NCBP2L: variants seen among roughly 807,000 people sequenced by gnomAD.
NCBP2L encodes nuclear cap-binding protein subunit 2-like.
For missense variants in NCBP2L, 95 were observed against 53.1 expected (o/e 1.79, Z -2.45); for synonymous variants, 39 against 19.2 (o/e 2.04, Z -2.70).
intron 1 of NCBP2L, among the ~76,000 whole-genome samples, chrX:107,781,833 G>T (rs867477134): frequency 3.4e-4 from 12 of 35,580 alleles, no homozygotes; most frequent in East Asian, 5.5e-4. Flanking sequence ...TATATAGAGA[G>T]ATATATATAT....
Position 107,794,900 on chromosome X carries a change from T to C in NCBP2L, c.*218T>C, listed in dbSNP as rs1213001251. 3.3e-6 allele frequency: 1 copy of C among 305,245 alleles called. No individual in the cohort carries two copies. Among genetic ancestry groups the C allele is most frequent in the Non-Finnish European group, 5.7e-6 (1 of 174,515 alleles). 25.2% of individuals were successfully genotyped at this position (305,245 alleles called of 1,213,427 possible). On this transcript the variant is annotated 3_prime_UTR_variant, in exon 2 of 2. Coordinates refer to ENST00000509000, the MANE Select transcript of NCBP2L (RefSeq NM_001348372.2). ...TCAGATTACCAGTTTGACTGTTAGGTGGTCCAAAGTGAAGTGTTCTTCGGG... is the reference window on the plus strand; with the variant it reads ...TCAGATTACCAGTTTGACTGTTAGGCGGTCCAAAGTGAAGTGTTCTTCGGG...
At chrX:107,790,026 C>T (rs1164158938) in intron 1 of NCBP2L, among the ~76,000 whole-genome samples, 1 of 110,852 alleles carries the variant, frequency 9.0e-6, no homozygotes, top group African/African-American at 3.3e-5. Flanking sequence ...AGACCAAACT[C>T]AGTATGTTCC....
chrX:107,792,089 C>T, intron 1 of NCBP2L, among the ~76,000 whole-genome samples: 1 of 112,474 alleles, frequency 8.9e-6, no homozygotes, highest in East Asian at 2.8e-4. Context: ...CCAAACAAGA[C>T]ATGGCCAATA....
At chrX:107,782,195 AAATATATATATATAAAT>A (rs1930305070) in intron 1 of NCBP2L, among the ~76,000 whole-genome samples, 1 of 19,884 alleles carries the variant, frequency 5.0e-5, no homozygotes, top group Non-Finnish European at 7.3e-5. Flanking sequence ...ATATATATAT[AAATATATATATATAAAT>A]ATATATATAA....
rs1267864004 is a variant in NCBP2L, at chrX:107,794,898, G to A, written c.*216G>A. The A allele has an allele frequency of 1.6e-5, 5 of 313,773 alleles. No homozygotes were observed. In the Admixed American group the frequency reaches 2.6e-4, roughly 17 times the overall value. The allele number at this position is 313,773 out of a possible 1,213,427, so 25.9% of individuals were successfully genotyped here. ...TTTCAGATTACCAGTTTGACTGTTA[G>A]GTGGTCCAAAGTGAAGTGTTCTTCG... On this transcript the variant is annotated 3_prime_UTR_variant, in exon 2 of 2. Transcript: ENST00000509000.
intron 1 of NCBP2L, 23 bp from the exon 2 acceptor site, chrX:107,794,126 C>T: frequency 2.2e-6 from 1 of 457,794 alleles, no homozygotes; most frequent in Non-Finnish European, 3.9e-6. Context: ...TTTGACTTCC[C>T]TCTTTTTTTC....
chrX:107,791,185 C>T (rs1316585873), intron 1 of NCBP2L, among the ~76,000 whole-genome samples: 1 of 112,006 alleles, frequency 8.9e-6, no homozygotes, highest in Non-Finnish European at 1.9e-5. Flanking sequence ...AGTTATCTTT[C>T]CCAATATCCA....
intron 1 of NCBP2L, among the ~76,000 whole-genome samples, chrX:107,781,800 A>T (rs1228440524): frequency 1.0e-5 from 1 of 99,360 alleles, no homozygotes; most frequent in Non-Finnish European, 2.0e-5. Flanking sequence ...ATCTATATTT[A>T]TATATAGATA....
In NCBP2L at chrX:107,794,147, A is replaced by T. The variant is rs1930486353; in HGVS notation, c.-72-2A>T. The stretch of plus-strand genomic sequence containing the variant: ...TTCCCTCTTTTTTTCAACTCAACTT[A>T]GGTTTTCAGTGGTGGTGTCACTGCT... On this transcript the variant is annotated splice_acceptor_variant, in intron 1 of 1. Coordinates refer to ENST00000509000, the MANE Select transcript of NCBP2L (RefSeq NM_001348372.2). LOFTEE classifies it low-confidence loss of function (5UTR_SPLICE). 2.1e-6 allele frequency: 1 copy of T among 473,106 alleles called. No homozygotes were observed. The allele number at this position is 473,106 out of a possible 1,213,427, so 39.0% of individuals were successfully genotyped here. A position where few individuals can be genotyped will look rare whatever the true frequency, so the allele number is the denominator to read the frequency against.
At chrX:107,780,874 C>A (rs1930255879) in intron 1 of NCBP2L, among the ~76,000 whole-genome samples, 1 of 108,878 alleles carries the variant, frequency 9.2e-6, no homozygotes, top group African/African-American at 3.4e-5. Flanking sequence ...AAGATCCACC[C>A]GTCTTGGCCT....
intron 1 of NCBP2L, among the ~76,000 whole-genome samples, chrX:107,786,385 T>C (rs541455491): frequency 1.8e-5 from 2 of 111,972 alleles, no homozygotes; most frequent in East Asian, 5.6e-4. Context: ...CCATTTGCAA[T>C]GACAAAGTAG....
chrX:107,782,062 A>G (rs1450855052), intron 1 of NCBP2L, among the ~76,000 whole-genome samples: 2 of 90,205 alleles, frequency 2.2e-5, no homozygotes, highest in African/African-American at 8.1e-5. Flanking sequence ...GATGATTCTT[A>G]AAGGTAGCCA....
intron 1 of NCBP2L, among the ~76,000 whole-genome samples, chrX:107,780,449 C>G (rs1468508445): frequency 1.8e-5 from 2 of 110,480 alleles, no homozygotes; most frequent in Non-Finnish European, 3.8e-5. Flanking sequence ...TCATCACAAG[C>G]CTGTGAGGCA....
intron 1 of NCBP2L, among the ~76,000 whole-genome samples, chrX:107,782,673 G>GT (rs1241786553): frequency 1.9e-5 from 2 of 105,267 alleles, no homozygotes; most frequent in Non-Finnish European, 3.9e-5. Context: ...GATGAATTCA[G>GT]TTTTTTTAGA....
chrX:107,782,304 TATATATAAATATATATATATAA>T (rs1930325034), intron 1 of NCBP2L, among the ~76,000 whole-genome samples: 1 of 34,347 alleles, frequency 2.9e-5, no homozygotes, highest in African/African-American at 2.6e-4. Flanking sequence ...TATATAAATA[TATATATAAATATATATATATAA>T]ATATATATAT....
intron 1 of NCBP2L, among the ~76,000 whole-genome samples, chrX:107,788,901 C>T (rs961539174): frequency 3.6e-5 from 4 of 111,307 alleles, no homozygotes; most frequent in African/African-American, 1.3e-4. Flanking sequence ...AGGACTTCAC[C>T]TCCTCACTGA....
Position 107,789,174 on chromosome X carries a change from C to CTT in NCBP2L, c.-72-4953_-72-4952dup, listed in dbSNP as rs760912732. Reference sequence around the variant, plus strand: ...GTTGTGTCCCTACATGTCCTAACCTCTTTTTTTTTTTTTTTTTTTTTTTGG... The same window carrying CTT: ...GTTGTGTCCCTACATGTCCTAACCTCTTTTTTTTTTTTTTTTTTTTTTTTTGG... On this transcript the variant is annotated intron_variant, in intron 1 of 1. Coordinates refer to ENST00000509000, the MANE Select transcript of NCBP2L (RefSeq NM_001348372.2). 9.0e-3 allele frequency among the ~76,000 whole-genome samples: 603 copies of CTT among 66,766 alleles called. 6 individuals are homozygous for CTT. The highest frequency in any genetic ancestry group is 0.023 in the African/African-American group (364 of 15,856). 58.0% of individuals were successfully genotyped at this position (66,766 alleles called of 115,157 possible).
rs1602439936 is a variant in NCBP2L at position 107,794,648 on chromosome X, G to C, written c.428G>C (p.Gly143Ala). 1 of 569,556 alleles carries C rather than the reference G, an allele frequency of 1.8e-6. No individual in the cohort carries two copies. Among genetic ancestry groups the C allele is most frequent in the African/African-American group, 2.2e-5 (1 of 45,349 alleles). The allele number at this position is 569,556 out of a possible 1,213,427, so 46.9% of individuals were successfully genotyped here. The change falls in exon 2 of 2, where the codon GGT becomes GCT. Residue 143 changes from glycine to alanine, a missense_variant. Gly to Ala is a moderately conservative substitution (Grantham distance 60). Coordinates refer to ENST00000509000, the MANE Select transcript of NCBP2L (RefSeq NM_001348372.2). The part of the protein sequence containing the change: ...RDEFREDFHS[G>A]RGGFGRQTQI ...GAGTTTCGTGAAGATTTTCATTCTG[G>C]TAGAGGAGGCTTTGGAAGACAGACT...
chrX:107,778,813 G>T (rs1930226881), intron 1 of NCBP2L, among the ~76,000 whole-genome samples: 1 of 112,360 alleles, frequency 8.9e-6, no homozygotes, highest in Admixed American at 9.4e-5. Context: ...TGTAAGTGGG[G>T]ATTCAGAGGT....
Sources: allele counts gnomAD v4.1 joint callset (sites outside exome capture counted in the v4.1 genomes callset), GRCh38; gene constraint gnomAD v4.1.1; transcripts MANE v1.5; gene names NCBI Gene and HGNC (gene_info 2026-07-23, HGNC 2026-07-21).